Variants in KIF13B observed in about 807,000 individuals in gnomAD.
KIF13B encodes the protein kinesin-like protein KIF13B.
KIF13B carries 127 observed loss-of-function variants against 222.0 expected under a neutral mutation model. That is an observed-to-expected ratio of 0.57 (90% CI 0.50 to 0.66). The LOEUF (loss-of-function observed/expected upper bound fraction) is 0.66. Among genes scored for constraint, KIF13B ranks in the 30% least tolerant of loss-of-function variants. The probability of loss-of-function intolerance (pLI) is 0.00; values close to 1 mark genes in which losing one functional copy is unlikely to be tolerated. For missense variants in KIF13B, 2,173 were observed against 2,379.0 expected (o/e 0.91, Z 1.80); for synonymous variants, 976 against 919.0 (o/e 1.06, Z -1.12).
intron 2 of KIF13B, among the ~76,000 whole-genome samples, chr8:29,223,591 A>C (rs1446690068): frequency 6.6e-6 from 1 of 152,252 alleles, no homozygotes; most frequent in East Asian, 1.9e-4. Context: ...AACTAAAATT[A>C]GCAGCTATTA....
intron 2 of KIF13B, among the ~76,000 whole-genome samples, chr8:29,220,394 G>T (rs192959900): frequency 2.0e-5 from 3 of 152,256 alleles, no homozygotes; most frequent in African/African-American, 7.2e-5. Context: ...TATGGGGATG[G>T]TTGTTGCTTT....
chr8:29,177,326 C>T lies in KIF13B; in HGVS notation c.833+140G>A, dbSNP rs548765608. 137 of 632,582 alleles carry T rather than the reference C, an allele frequency of 2.2e-4. 1 individual carries two copies. The highest frequency in any genetic ancestry group is 2.0e-3 in the African/African-American group (107 of 54,572). 39.2% of individuals were successfully genotyped at this position (632,582 alleles called of 1,614,324 possible). On this transcript the variant is annotated intron_variant, in intron 9 of 39. Coordinates refer to ENST00000524189, the MANE Select transcript of KIF13B (RefSeq NM_015254.4). The stretch of plus-strand genomic sequence containing the variant: ...TCTTCAGCCCCATCAGGCATCTCAA[C>T]AAAACCTAAAATGGGCCCAGGCCCA...
rs536296566 is a variant in KIF13B at position 29,148,687 on chromosome 8, G to T, written c.1703C>A (p.Ser568Tyr). Reference protein sequence around the residue: ...QDPSMKNENSSEQLDVDGDSS... With the variant: ...QDPSMKNENSYEQLDVDGDSS... ...GTCTCCGTCTACATCCAGCTGCTCA[G>T]AACTATTCTCGTTCTTCATGGAGGG... The change falls in exon 16 of 40, where the codon TCT becomes TAT. Residue 568 changes from serine (S) to tyrosine (Y), a missense_variant. Transcript: ENST00000524189. 54 of 1,612,546 alleles carry T rather than the reference G, an allele frequency of 3.3e-5. No homozygotes were observed. The highest frequency in any genetic ancestry group is 2.5e-4 in the Admixed American group (15 of 59,798).
intron 3 of KIF13B, among the ~76,000 whole-genome samples, chr8:29,194,333 T>C (rs1346247032): frequency 6.6e-6 from 1 of 151,588 alleles, no homozygotes; most frequent in African/African-American, 2.4e-5. Flanking sequence ...GGGATTTCTT[T>C]AACAGTGACA....
chr8:29,114,557 T>C (rs1408557968), intron 31 of KIF13B, among the ~76,000 whole-genome samples: 1 of 152,162 alleles, frequency 6.6e-6, no homozygotes, highest in African/African-American at 2.4e-5. Flanking sequence ...TGGTTTTCCA[T>C]TTGTATGGAA....
chr8:29,186,454 G>A lies in KIF13B; in HGVS notation c.335C>T (p.Thr112Ile), dbSNP rs748496343. 6.2e-7 allele frequency: 1 copy of A among 1,604,918 alleles called. No individual in the cohort carries two copies. Among genetic ancestry groups the A allele is most frequent in the Non-Finnish European group, 8.5e-7 (1 of 1,177,738 alleles). The stretch of plus-strand genomic sequence containing the variant: ...AGGTTGGTCAGCTGTGCCCATCATG[G>A]TATAAGATTTTCCAGAGCCTAAAAA... The part of the protein sequence containing the change: ...YGQTGSGKSY[T>I]MMGTADQPGL... The change falls in exon 6 of 40, where the codon ACC becomes ATC. Residue 112 changes from threonine to isoleucine, a missense_variant. Physicochemically the swap from Thr to Ile is moderately conservative, Grantham distance 89. Around this residue, in one of 2 missense-constraint regions of KIF13B, gnomAD observed 1,480 missense variants for 1,722.8 expected, o/e 0.86. Transcript: ENST00000524189.
rs1260410278 is a variant in KIF13B at position 29,126,478 on chromosome 8, T to C, written c.3252+4A>G. The C allele has an allele frequency of 6.5e-7, 1 of 1,532,434 alleles. No homozygotes were observed. Among genetic ancestry groups the C allele is most frequent in the Admixed American group, 1.8e-5 (1 of 56,208 alleles). 94.9% of individuals were successfully genotyped at this position (1,532,434 alleles called of 1,614,324 possible). A position where few individuals can be genotyped will look rare whatever the true frequency, so the allele number is the denominator to read the frequency against. ...TGAGATGAGATTAACAGGTGCTAAA[T>C]TACCTGGTAGCTGTCCATGTCTTCC... On this transcript the variant is annotated splice_donor_region_variant and intron_variant, in intron 26 of 39. Coordinates refer to ENST00000524189, the MANE Select transcript of KIF13B (RefSeq NM_015254.4).
chr8:29,123,461 C>A lies in KIF13B; in HGVS notation c.3384G>T (p.Ala1128=), dbSNP rs192162158. The A allele has an allele frequency of 1.9e-6, 3 of 1,613,994 alleles. No individual in the cohort carries two copies. The highest frequency in any genetic ancestry group is 1.6e-4 in the Middle Eastern group (1 of 6,062). Residue 1128 remains alanine, a synonymous_variant, in exon 28 of 40, where the codon GCG becomes GCT. Coordinates refer to ENST00000524189, the MANE Select transcript of KIF13B (RefSeq NM_015254.4). ...DKTEDDADRE[A]QLLEMRLTLT... is the part of the protein sequence containing the mutation. ...GGGTCAACCGCATCTCCAGAAGCTG[C>A]GCTTCACGGTCAGCATCATCCTCTG...
At chr8:29,197,336 C>CAAA (rs71222598) in intron 2 of KIF13B, among the ~76,000 whole-genome samples, 55 of 57,762 alleles carry the variant, frequency 9.5e-4, no homozygotes, top group Admixed American at 1.4e-3. Context: ...GACTCCGTCT[C>CAAA]AAAAAAAAAA....
intron 2 of KIF13B, among the ~76,000 whole-genome samples, chr8:29,220,877 A>C (rs762224817): frequency 4.6e-5 from 7 of 152,180 alleles, no homozygotes; most frequent in Non-Finnish European, 1.0e-4. Context: ...TTGGGAGGCC[A>C]AGACAAGTGG....
intron 1 of KIF13B, among the ~76,000 whole-genome samples, chr8:29,256,801 C>A (rs1341888607): frequency 6.6e-6 from 1 of 152,188 alleles, no homozygotes; most frequent in Non-Finnish European, 1.5e-5. Flanking sequence ...GTCGCCCAGG[C>A]TAGAGTGCAG....
chr8:29,072,027 T>C lies in KIF13B; in HGVS notation c.4811A>G (p.Glu1604Gly). The C allele has an allele frequency of 7.7e-7, 1 of 1,294,342 alleles. No homozygotes were observed. The highest frequency in any genetic ancestry group is 9.8e-7 in the Non-Finnish European group (1 of 1,024,482). 80.2% of individuals were successfully genotyped at this position (1,294,342 alleles called of 1,614,324 possible). Residue 1604 changes from glutamate (E) to glycine (G), a missense_variant, in exon 39 of 40, where the codon GAG becomes GGG. By Grantham distance (98) the Glu-to-Gly change is moderately conservative. This residue lies in a region of KIF13B where 693 missense variants were observed against 656.2 expected (regional missense o/e 1.06). Transcript: ENST00000524189. ...SMPTAPEAEP[E>G]APISHPPPPT... is the part of the protein sequence containing the mutation. ...CGGTGGGGGGTGGCTGATGGGCGCC[T>C]CGGGCTCGGCCTCAGGGGCGGTGGG...
chr8:29,196,313 T>C, intron 2 of KIF13B, 114 bp from the exon 3 acceptor site: 1 of 855,416 alleles, frequency 1.2e-6, no homozygotes, highest in Non-Finnish European at 1.8e-6. Context: ...TTATGTAAAT[T>C]CACAGTAAGA....
At chr8:29,202,719 T>C (rs950069343) in intron 2 of KIF13B, among the ~76,000 whole-genome samples, 3 of 152,206 alleles carry the variant, frequency 2.0e-5, no homozygotes, top group Admixed American at 6.5e-5. Flanking sequence ...ACAAGGAATG[T>C]GAAGCTGCCT....
chr8:29,160,900 C>T (rs756190725), intron 12 of KIF13B, 33 bp from the exon 13 acceptor site: 1 of 1,601,412 alleles, frequency 6.2e-7, no homozygotes, highest in Non-Finnish European at 8.5e-7. Context: ...ATTAATTTCA[C>T]AGCTATTGAG....
At chr8:29,152,044 T>A (rs977709761) in intron 14 of KIF13B, among the ~76,000 whole-genome samples, 1 of 152,180 alleles carries the variant, frequency 6.6e-6, no homozygotes, top group African/African-American at 2.4e-5. Context: ...AGTCCAATCA[T>A]CATGGATGCC....
At chr8:29,193,810 T>C (rs1370433974) in intron 3 of KIF13B, among the ~76,000 whole-genome samples, 6 of 152,224 alleles carry the variant, frequency 3.9e-5, no homozygotes, top group Non-Finnish European at 7.3e-5. Context: ...CATACTGTAC[T>C]GCTTTTTACA....
intron 2 of KIF13B, among the ~76,000 whole-genome samples, chr8:29,197,191 G>A (rs57317196): frequency 6.6e-6 from 1 of 151,154 alleles, no homozygotes; most frequent in Non-Finnish European, 1.5e-5. Context: ...CAAAAAATTA[G>A]CCGGGCGTAG....
intron 10 of KIF13B, among the ~76,000 whole-genome samples, chr8:29,175,645 T>G (rs915666127): frequency 6.6e-6 from 1 of 152,228 alleles, no homozygotes; most frequent in African/African-American, 2.4e-5. Flanking sequence ...AAGGTCTGAC[T>G]GTCCCAAAGT....
Sources: allele counts gnomAD v4.1 joint callset (sites outside exome capture counted in the v4.1 genomes callset), GRCh38; gene constraint gnomAD v4.1.1; regional missense constraint gnomAD v4.1.1; transcripts MANE v1.5; gene names NCBI Gene and HGNC (gene_info 2026-07-23, HGNC 2026-07-21).